PIGB: variants seen among roughly 807,000 people sequenced by gnomAD.
The protein encoded by PIGB is GPI alpha-1,2-mannosyltransferase 3.
In PIGB, 58 loss-of-function variants were observed where a neutral mutation model predicts 68.4. That is an observed-to-expected ratio of 0.85 (90% CI 0.69 to 1.06). The LOEUF (loss-of-function observed/expected upper bound fraction) is 1.06, where lower values mean the gene tolerates loss of function less well. Among genes scored for constraint, PIGB ranks in the 50% least tolerant of loss-of-function variants. PIGB has a pLI of 0.00. For missense variants in PIGB, 634 were observed against 655.8 expected, an observed-to-expected ratio of 0.97 and a Z score of 0.36; for synonymous variants, 219 against 220.5, an observed-to-expected ratio of 0.99 and a Z score of 0.06.
intron 6 of PIGB, among the ~76,000 whole-genome samples, chr15:55,336,849 G>C (rs2055547564): frequency 6.6e-6 from 1 of 152,158 alleles, no homozygotes; most frequent in African/African-American, 2.4e-5. Context: ...AATTAGCTGG[G>C]CATTGTGGCA....
At chr15:55,327,143 T>C (rs1286795806) in intron 3 of PIGB, among the ~76,000 whole-genome samples, 1 of 149,114 alleles carries the variant, frequency 6.7e-6, no homozygotes, top group Non-Finnish European at 1.5e-5. Flanking sequence ...ATATTTATAA[T>C]ATATGTGTGT....
At chr15:55,321,140 C>T in intron 2 of PIGB, 133 bp from the exon 3 acceptor site, 1 of 565,270 alleles carries the variant, frequency 1.8e-6, no homozygotes, top group Admixed American at 3.9e-5. Flanking sequence ...TGGTGTGCAC[C>T]TGTAGAGGCA....
chr15:55,327,526 T>C lies in PIGB; in HGVS notation c.418-5T>C, dbSNP rs370278210. ...ACATCCTGTTCTTCTTTTTAACTGA[T>C]GAAGATTTGGATTCCTAGACTTGCC... On this transcript the variant is annotated splice_region_variant and splice_polypyrimidine_tract_variant and intron_variant, in intron 3 of 11. Coordinates refer to ENST00000164305, the MANE Select transcript of PIGB (RefSeq NM_004855.5). 282 of 1,579,404 alleles carry C rather than the reference T, an allele frequency of 1.8e-4. No homozygotes were observed. Among genetic ancestry groups the C allele is most frequent in the South Asian group, 1.5e-3 (133 of 87,988 alleles).
chr15:55,337,800 A>G lies in PIGB; in HGVS notation c.795-1467A>G, dbSNP rs376953919. On this transcript the variant is annotated intron_variant, in intron 6 of 11. Transcript: ENST00000164305. ...CAGTGTCCATCAATAGAAGGAATAC[A>G]TACAGTGTGGTATACATAGTTACAA... Among the ~76,000 whole-genome samples the G allele has an allele frequency of 8.5e-5, 13 of 152,338 alleles. No individual in the cohort carries two copies. In the South Asian group the frequency reaches 1.5e-3, roughly 17 times the overall value.
chr15:55,320,275 ATCT>A lies in PIGB; in HGVS notation c.169_171del (p.Leu57del). 1.2e-6 allele frequency: 2 copies of A among 1,610,766 alleles called. No homozygotes were observed. Among genetic ancestry groups the A allele is most frequent in the Non-Finnish European group, 1.7e-6 (2 of 1,178,622 alleles). On this transcript the variant is annotated inframe_deletion and splice_region_variant, in exon 2 of 12. Coordinates refer to ENST00000164305, the MANE Select transcript of PIGB (RefSeq NM_004855.5). ...TTACCTGTTTTGTTCTGTTTTTCAG[ATCT>A]TCTTGGAGAAAATATTTATCTGCTC... is the stretch of plus-strand genomic sequence containing the variant.
chr15:55,327,545 A>C lies in PIGB; in HGVS notation c.432A>C (p.Arg144Ser). The C allele has an allele frequency of 6.2e-7, 1 of 1,607,622 alleles. No homozygotes were observed. The highest frequency in any genetic ancestry group is 8.5e-7 in the Non-Finnish European group (1 of 1,176,524). The change falls in exon 4 of 12, where the codon AGA becomes AGC. Residue 144 changes from arginine (R) to serine (S), a missense_variant. Physicochemically the swap from Arg to Ser is moderately radical, Grantham distance 110 (BLOSUM62 -1). Transcript: ENST00000164305. Reference protein sequence around the residue: ...DSVQLLIWIPRLAQALLSAVA... With the variant: ...DSVQLLIWIPSLAQALLSAVA... Reference sequence around the variant, plus strand: ...AACTGATGAAGATTTGGATTCCTAGACTTGCCCAAGCACTTCTGTCTGCTG... The same window carrying C: ...AACTGATGAAGATTTGGATTCCTAGCCTTGCCCAAGCACTTCTGTCTGCTG...
At chr15:55,342,318 G>A (rs541774549) in intron 9 of PIGB, among the ~76,000 whole-genome samples, 15 of 152,294 alleles carry the variant, frequency 9.8e-5, no homozygotes, top group African/African-American at 3.4e-4. Context: ...ATTTACTGCT[G>A]TTGAAACTAG....
intron 5 of PIGB, among the ~76,000 whole-genome samples, chr15:55,330,125 G>A (rs879091167): frequency 2.8e-4 from 42 of 152,294 alleles, no homozygotes; most frequent in African/African-American, 9.1e-4. Flanking sequence ...GTTATAGTAG[G>A]AAGTCTGTAT....
At chr15:55,323,523 A>G (rs781584054) in intron 3 of PIGB, among the ~76,000 whole-genome samples, 1 of 152,226 alleles carries the variant, frequency 6.6e-6, no homozygotes, top group Non-Finnish European at 1.5e-5. Context: ...GCCACTAGCT[A>G]CATGTAGCTG....
chr15:55,339,213 G>C (rs2055607338), intron 6 of PIGB, 54 bp from the exon 7 acceptor site: 4 of 1,317,006 alleles, frequency 3.0e-6, no homozygotes, highest in South Asian at 1.3e-5. Context: ...TATGCTAATA[G>C]TGGATTTTCA....
At position 55,322,021 on chromosome 15, in the gene PIGB, A is replaced by G. The variant is rs1370878753; in HGVS notation, c.417+631A>G. 4.0e-5 allele frequency among the ~76,000 whole-genome samples: 6 copies of G among 151,768 alleles called. 1 individual carries two copies. The highest frequency in any genetic ancestry group is 1.4e-4 in the African/African-American group (6 of 41,390). ...GAAACCGCGTCTCTACTAAAAATACAAAATTAGCCGGGTGTGGTCGCGCAT... is the reference window on the plus strand; with the variant it reads ...GAAACCGCGTCTCTACTAAAAATACGAAATTAGCCGGGTGTGGTCGCGCAT... On this transcript the variant is annotated intron_variant, in intron 3 of 11. Transcript: ENST00000164305.
chr15:55,333,798 C>A, intron 5 of PIGB, 69 bp from the exon 6 acceptor site: 3 of 1,120,388 alleles, frequency 2.7e-6, no homozygotes, highest in Non-Finnish European at 2.5e-6. Context: ...AATGTCAAAT[C>A]ACAGTGTAAA....
Position 55,319,287 on chromosome 15 carries a change from G to A in PIGB, c.37G>A (p.Gly13Arg), listed in dbSNP as rs746101897. ...CCTAAGCAAGTGCGGAATGGAGCCG[G>A]GGGGCGGAGATGCCAGCCTCACTTT... ...RPLSKCGMEP[G>R]GGDASLTLHG... Residue 13 changes from glycine (G) to arginine (R), a missense_variant, in exon 1 of 12, where the codon GGG (glycine) becomes AGG (arginine). Coordinates refer to ENST00000164305, the MANE Select transcript of PIGB (RefSeq NM_004855.5). 1.2e-6 allele frequency: 2 copies of A among 1,606,944 alleles called. No homozygotes were observed. The highest frequency in any genetic ancestry group is 1.3e-5 in the African/African-American group (1 of 74,984).
intron 1 of PIGB, chr15:55,320,035 A>G (rs1296906189): frequency 3.0e-6 from 1 of 329,622 alleles, no homozygotes; most frequent in African/African-American, 2.1e-5. Context: ...ATTTATTTTA[A>G]TATTATCTTT....
chr15:55,328,735 A>C (rs1348571153), intron 4 of PIGB, among the ~76,000 whole-genome samples: 3 of 152,180 alleles, frequency 2.0e-5, no homozygotes, highest in African/African-American at 7.2e-5. Flanking sequence ...TGGGAGGCTG[A>C]GGTGGGCGGA....
In PIGB at chr15:55,329,848, T is replaced by C; in HGVS notation, c.647T>C (p.Met216Thr). The change falls in exon 5 of 12, where the codon ATG becomes ACG. Residue 216 changes from methionine (M) to threonine (T), a missense_variant. Transcript: ENST00000164305. Reference sequence around the variant, plus strand: ...TATCCTTTGGAAGGTTCAAAGTCTATGAACAGGTAAGAAAAATTATTGTTA... The same window carrying C: ...TATCCTTTGGAAGGTTCAAAGTCTACGAACAGGTAAGAAAAATTATTGTTA... The part of the protein sequence containing the change: ...FYYPLEGSKS[M>T]NSVKYSSLVA... The C allele has an allele frequency of 6.4e-7, 1 of 1,565,210 alleles. No individual in the cohort carries two copies. The highest frequency in any genetic ancestry group is 8.7e-7 in the Non-Finnish European group (1 of 1,149,222).
At chr15:55,350,587 C>T (rs1478619636) in intron 9 of PIGB, 112 bp from the exon 10 acceptor site, 15 of 717,230 alleles carry the variant, frequency 2.1e-5, no homozygotes, top group Non-Finnish European at 3.4e-5. Context: ...TCTTATTTGT[C>T]TATAACAGTA....
chr15:55,339,281 GT>G lies in PIGB; in HGVS notation c.812del (p.Leu271CysfsTer3). On this transcript the variant is annotated frameshift_variant, in exon 7 of 12. Coordinates refer to ENST00000164305, the MANE Select transcript of PIGB (RefSeq NM_004855.5). LOFTEE classifies it high-confidence loss of function. ...TTGTTTTTCAGCTTTGTTACTTTGA[GT>G]TTGTCTCTGATGATTGATCGTATTT... ...HFLPVGFVTLSLSLMIDRIFF... is the reference protein window; with the variant it reads ...HFLPVGFVTLXLSLMIDRIFF... The G allele has an allele frequency of 5.2e-6, 8 of 1,552,214 alleles. No individual in the cohort carries two copies. The highest frequency in any genetic ancestry group is 6.1e-6 in the Non-Finnish European group (7 of 1,147,050).
rs1305948290 is a variant in PIGB, at chr15:55,327,593, A to G, written c.480A>G (p.Ser160=). The part of the protein sequence containing the change: ...LSAVADVRLY[S]LMKQLENQEV... ...CTGTAGCAGATGTGAGACTTTACTC[A>G]TTAATGAAGCAACTAGAAAATCAGG... The change falls in exon 4 of 12, where the codon TCA becomes TCG. Residue 160 remains serine, a synonymous_variant. Coordinates refer to ENST00000164305, the MANE Select transcript of PIGB (RefSeq NM_004855.5). 3 of 1,612,196 alleles carry G rather than the reference A, an allele frequency of 1.9e-6. No homozygotes were observed. The highest frequency in any genetic ancestry group is 2.5e-6 in the Non-Finnish European group (3 of 1,179,122).
Sources: allele counts gnomAD v4.1 joint callset (sites outside exome capture counted in the v4.1 genomes callset), GRCh38; gene constraint gnomAD v4.1.1; transcripts MANE v1.5; gene names NCBI Gene and HGNC (gene_info 2026-07-23, HGNC 2026-07-21).